FRMD4A: variants seen among roughly 807,000 people sequenced by gnomAD.
FRMD4A encodes the protein FERM domain-containing protein 4A.
FRMD4A carries 29 observed loss-of-function variants against 129.1 expected under a neutral mutation model. That is an observed-to-expected ratio of 0.22 (90% CI 0.17 to 0.31). The LOEUF (loss-of-function observed/expected upper bound fraction) is 0.31. Ranked by LOEUF, FRMD4A falls within the 10% of genes least tolerant of loss-of-function variation. FRMD4A has a pLI of 1.00. For synonymous variants in FRMD4A, 634 were observed against 571.6 expected (o/e 1.11, Z -1.56); for missense variants, 1,272 against 1,375.8 (o/e 0.92, Z 1.19).
rs148239216 is a variant in FRMD4A, at chr10:13,968,420, T to C, written c.46-109508A>G. ...AAACAACATTTCACATTTGTATCTT[T>C]CTTAGTCTTTGTGACACACTTTCAC... On this transcript the variant is annotated intron_variant, in intron 2 of 24. Transcript: ENST00000357447. Among the ~76,000 whole-genome samples the C allele has an allele frequency of 5.9e-3, 897 of 152,360 alleles. 14 individuals are homozygous for C. Among genetic ancestry groups the C allele is most frequent in the African/African-American group, 0.02 (847 of 41,580 alleles).
In FRMD4A at chr10:14,043,657, C is replaced by T. The variant is rs187704366; in HGVS notation, c.46-184745G>A. On this transcript the variant is annotated intron_variant, in intron 2 of 24. Transcript: ENST00000357447. Reference sequence around the variant, plus strand: ...TAACTTCTGTCCATCACTCCAGCCTCGACTGCACAGCTGCCTGGACAGGCA... The same window carrying T: ...TAACTTCTGTCCATCACTCCAGCCTTGACTGCACAGCTGCCTGGACAGGCA... Among the ~76,000 whole-genome samples, 9 of 152,340 alleles carry T rather than the reference C, an allele frequency of 5.9e-5. 1 individual carries two copies. The East Asian group carries it at 1.7e-3, about 29-fold the overall frequency.
At chr10:13,879,093 G>A (rs1030472697) in intron 2 of FRMD4A, among the ~76,000 whole-genome samples, 7 of 152,154 alleles carry the variant, frequency 4.6e-5, no homozygotes, top group African/African-American at 1.7e-4. Flanking sequence ...TTTTAAATAA[G>A]CATAGTTTAT....
At chr10:13,650,305 G>A (rs1424940220) in intron 24 of FRMD4A, among the ~76,000 whole-genome samples, 2 of 152,176 alleles carry the variant, frequency 1.3e-5, no homozygotes, top group African/African-American at 4.8e-5. Flanking sequence ...AAGGCCAGAG[G>A]ATAGGGGATG....
chr10:14,002,852 A>G (rs1163647697), intron 2 of FRMD4A, among the ~76,000 whole-genome samples: 4 of 152,170 alleles, frequency 2.6e-5, no homozygotes, highest in African/African-American at 7.2e-5. Context: ...AGAAATTGCC[A>G]GGAAGATGAA....
At chr10:14,067,783 C>T (rs1835133875) in intron 2 of FRMD4A, among the ~76,000 whole-genome samples, 1 of 152,206 alleles carries the variant, frequency 6.6e-6, no homozygotes, top group Admixed American at 6.5e-5. Flanking sequence ...TGCAACTGCA[C>T]TCCAGCCTGG....
intron 2 of FRMD4A, among the ~76,000 whole-genome samples, chr10:14,151,478 G>C (rs984070311): frequency 2.0e-5 from 3 of 152,148 alleles, no homozygotes; most frequent in Non-Finnish European, 4.4e-5. Flanking sequence ...GATGAAAATA[G>C]ATTCTAGTGA....
intron 6 of FRMD4A, among the ~76,000 whole-genome samples, chr10:13,767,165 T>C (rs1404246703): frequency 2.6e-5 from 4 of 152,142 alleles, no homozygotes; most frequent in Non-Finnish European, 5.9e-5. Flanking sequence ...CTAGCAGAAA[T>C]GTGCTCCCAT....
intron 2 of FRMD4A, among the ~76,000 whole-genome samples, chr10:14,241,981 G>T (rs898458827): frequency 6.6e-6 from 1 of 152,068 alleles, no homozygotes; most frequent in Non-Finnish European, 1.5e-5. Context: ...CTCAGGAGTA[G>T]GAGGAAACTG....
At chr10:14,133,402 G>C (rs1839369274) in intron 2 of FRMD4A, among the ~76,000 whole-genome samples, 1 of 152,192 alleles carries the variant, frequency 6.6e-6, no homozygotes, top group African/African-American at 2.4e-5. Context: ...AGTCATTCTG[G>C]TGTCTGGCCA....
chr10:13,649,107 G>T (rs1296916746), intron 24 of FRMD4A: 1 of 152,108 alleles, frequency 6.6e-6, no homozygotes, highest in Non-Finnish European at 1.5e-5. Flanking sequence ...TCTTAAATGG[G>T]CTAATATTAT....
At chr10:13,951,337 C>T (rs533867434) in intron 2 of FRMD4A, among the ~76,000 whole-genome samples, 36 of 152,118 alleles carry the variant, frequency 2.4e-4, no homozygotes, top group South Asian at 1.2e-3. Context: ...AGAGGTAGTG[C>T]GCCATCTTGG....
chr10:14,170,351 T>C (rs1446767169), intron 2 of FRMD4A, among the ~76,000 whole-genome samples: 1 of 152,210 alleles, frequency 6.6e-6, no homozygotes, highest in Non-Finnish European at 1.5e-5. Flanking sequence ...TGCTCCTTCT[T>C]TAAAAGATCT....
chr10:14,306,739 T>G (rs1352273294), intron 2 of FRMD4A, among the ~76,000 whole-genome samples: 1 of 152,214 alleles, frequency 6.6e-6, no homozygotes, highest in Non-Finnish European at 1.5e-5. Flanking sequence ...CAGTGGAGGT[T>G]TCTCTGTTTA....
intron 5 of FRMD4A, among the ~76,000 whole-genome samples, chr10:13,792,978 A>G (rs1433186618): frequency 1.3e-5 from 2 of 152,070 alleles, no homozygotes; most frequent in East Asian, 1.9e-4. Context: ...TGGGTCTTAT[A>G]TTTTCCTAAT....
intron 5 of FRMD4A, 41 bp downstream of exon 5, chr10:13,796,451 TAAAG>T (rs757748002): frequency 1.1e-6 from 1 of 940,428 alleles, no homozygotes; most frequent in East Asian, 2.4e-5. Flanking sequence ...ACTTCCCTGA[TAAAG>T]AACACAAAGA....
chr10:14,085,492 C>T (rs1209669819), intron 2 of FRMD4A, among the ~76,000 whole-genome samples: 1 of 152,224 alleles, frequency 6.6e-6, no homozygotes, highest in East Asian at 1.9e-4. Context: ...GGATGAGGCT[C>T]TGACACTTTG....
chr10:14,207,462 A>G (rs1243470652), intron 2 of FRMD4A, among the ~76,000 whole-genome samples: 1 of 152,164 alleles, frequency 6.6e-6, no homozygotes, highest in Admixed American at 6.5e-5. Context: ...TCCATGGCCC[A>G]GGGGCTGGGG....
intron 2 of FRMD4A, among the ~76,000 whole-genome samples, chr10:13,930,507 A>T (rs2095181779): frequency 6.6e-6 from 1 of 152,188 alleles, no homozygotes; most frequent in Non-Finnish European, 1.5e-5. Flanking sequence ...GCTCAGGGAC[A>T]TGCCTAGGGA....
intron 8 of FRMD4A, among the ~76,000 whole-genome samples, chr10:13,757,446 G>A (rs914586792): frequency 1.3e-5 from 2 of 152,230 alleles, no homozygotes; most frequent in African/African-American, 4.8e-5. Context: ...TGTGTGGTCT[G>A]TATCTCTTCT....
Sources: allele counts gnomAD v4.1 joint callset (sites outside exome capture counted in the v4.1 genomes callset), GRCh38; gene constraint gnomAD v4.1.1; transcripts MANE v1.5; gene names NCBI Gene and HGNC (gene_info 2026-07-23, HGNC 2026-07-21).